The following ERBB4 variants were observed in gnomAD, a reference collection of about 807,000 sequenced individuals.
The protein encoded by ERBB4 is erb-b2 receptor tyrosine kinase 4, also known as receptor tyrosine-protein kinase erbB-4.
In ERBB4, 42 loss-of-function variants were observed where a neutral mutation model predicts 158.0. The ratio of observed to expected loss-of-function variants is 0.27; its 90% CI spans 0.21 to 0.34. The LOEUF is 0.34. Ranked by LOEUF, ERBB4 falls within the 10% of genes least tolerant of loss-of-function variation. ERBB4 has a pLI of 1.00. For synonymous variants in ERBB4, 583 were observed against 558.7 expected, an observed-to-expected ratio of 1.04 and a Z score of -0.61; for missense variants, 1,333 against 1,624.1, an observed-to-expected ratio of 0.82 and a Z score of 3.08.
intron 1 of ERBB4, among the ~76,000 whole-genome samples, chr2:212,224,359 T>C (rs1189005390): frequency 6.6e-6 from 1 of 151,954 alleles, no homozygotes; most frequent in Non-Finnish European, 1.5e-5. Context: ...ATTTGGATCA[T>C]GAGTTTGACA....
intron 3 of ERBB4, among the ~76,000 whole-genome samples, chr2:211,856,136 C>T (rs1430938101): frequency 6.6e-6 from 1 of 151,952 alleles, no homozygotes; most frequent in Non-Finnish European, 1.5e-5. Context: ...TACCTAAGAA[C>T]AATATAATGA....
At chr2:212,513,491 A>G (rs1277476528) in intron 1 of ERBB4, among the ~76,000 whole-genome samples, 1 of 152,204 alleles carries the variant, frequency 6.6e-6, no homozygotes, top group Admixed American at 6.5e-5. Flanking sequence ...CCCATTTTAA[A>G]TATGAGAGTA....
chr2:211,493,437 G>C (rs1430230836), intron 20 of ERBB4, among the ~76,000 whole-genome samples: 1 of 151,854 alleles, frequency 6.6e-6, no homozygotes, highest in Admixed American at 6.6e-5. Context: ...CTACTCACAG[G>C]TTGGGGAAAA....
chr2:212,202,145 C>T (rs2082604802), intron 1 of ERBB4, among the ~76,000 whole-genome samples: 1 of 152,096 alleles, frequency 6.6e-6, no homozygotes, highest in African/African-American at 2.4e-5. Context: ...ATACATCATT[C>T]TCCCTCCCTT....
intron 1 of ERBB4, among the ~76,000 whole-genome samples, chr2:212,377,265 TATA>T (rs1351891736): frequency 6.7e-6 from 1 of 148,458 alleles, no homozygotes; most frequent in Non-Finnish European, 1.5e-5. Context: ...TACAAAAATA[TATA>T]ATAAATATAC....
intron 1 of ERBB4, among the ~76,000 whole-genome samples, chr2:212,260,811 T>G (rs1159885860): frequency 1.3e-5 from 2 of 150,944 alleles, no homozygotes; most frequent in Admixed American, 1.3e-4. Context: ...AGACTCTGTC[T>G]CAAAAAAATA....
chr2:212,486,275 C>T (rs1298041562), intron 1 of ERBB4, among the ~76,000 whole-genome samples: 1 of 151,618 alleles, frequency 6.6e-6, no homozygotes, highest in Non-Finnish European at 1.5e-5. Context: ...TTACAAAAAA[C>T]ATAAAACACA....
intron 1 of ERBB4, among the ~76,000 whole-genome samples, chr2:212,351,547 C>A (rs746295962): frequency 6.6e-6 from 1 of 152,002 alleles, no homozygotes; most frequent in Non-Finnish European, 1.5e-5. Context: ...TGATCATTCC[C>A]CACAAGTTTT....
At chr2:212,288,287 C>T (rs1274960301) in intron 1 of ERBB4, among the ~76,000 whole-genome samples, 7 of 152,138 alleles carry the variant, frequency 4.6e-5, no homozygotes, top group South Asian at 2.1e-4. Context: ...GCGAGGCACA[C>T]GGGACAATGG....
chr2:211,615,724 T>C (rs2069360630), intron 19 of ERBB4, among the ~76,000 whole-genome samples: 2 of 152,146 alleles, frequency 1.3e-5, no homozygotes, highest in Non-Finnish European at 2.9e-5. Context: ...TGAATATCAA[T>C]AGAAGTTTCA....
chr2:211,966,027 C>G (rs2081301043), intron 2 of ERBB4, among the ~76,000 whole-genome samples: 1 of 152,060 alleles, frequency 6.6e-6, no homozygotes, highest in South Asian at 2.1e-4. Context: ...GCGTGGGTAA[C>G]TCAGGGAGAC....
At chr2:212,362,825 A>G (rs778031435) in intron 1 of ERBB4, among the ~76,000 whole-genome samples, 2 of 151,312 alleles carry the variant, frequency 1.3e-5, no homozygotes, top group African/African-American at 2.4e-5. Flanking sequence ...ATAAAAAAAT[A>G]TACTTTTTAA....
At chr2:211,976,144 T>C (rs984360107) in intron 2 of ERBB4, among the ~76,000 whole-genome samples, 1 of 152,190 alleles carries the variant, frequency 6.6e-6, no homozygotes, top group South Asian at 2.1e-4. Flanking sequence ...TTACATAATA[T>C]GTTCTTTGCA....
intron 4 of ERBB4, among the ~76,000 whole-genome samples, chr2:211,761,421 T>A (rs868258968): frequency 1.3e-5 from 2 of 152,150 alleles, no homozygotes; most frequent in Admixed American, 6.5e-5. Context: ...TCATATTTGG[T>A]TGTTTAATCA....
chr2:211,515,507 A>T (rs2125625949), intron 20 of ERBB4, among the ~76,000 whole-genome samples: 1 of 152,174 alleles, frequency 6.6e-6, no homozygotes, highest in Middle Eastern at 3.4e-3. Context: ...TAGACTGCAT[A>T]TTAGAAGAGA....
At chr2:211,703,483 A>C (rs962752612) in intron 11 of ERBB4, among the ~76,000 whole-genome samples, 1 of 152,222 alleles carries the variant, frequency 6.6e-6, no homozygotes, top group African/African-American at 2.4e-5. Flanking sequence ...ACAAATTTAA[A>C]AAATTCTTAT....
At chr2:212,514,772 TCCA>T (rs1691730035) in intron 1 of ERBB4, among the ~76,000 whole-genome samples, 1 of 152,188 alleles carries the variant, frequency 6.6e-6, no homozygotes, top group Admixed American at 6.5e-5. Context: ...ACCACTGTAC[TCCA>T]GCCTGGTGAC....
intron 14 of ERBB4, among the ~76,000 whole-genome samples, chr2:211,669,910 T>C (rs1003164234): frequency 6.6e-6 from 1 of 152,178 alleles, no homozygotes; most frequent in Non-Finnish European, 1.5e-5. Flanking sequence ...TAACTTTCTT[T>C]ATATTTTAAA....
At chr2:212,452,111 C>A (rs2092454756) in intron 1 of ERBB4, among the ~76,000 whole-genome samples, 1 of 150,110 alleles carries the variant, frequency 6.7e-6, no homozygotes, top group Non-Finnish European at 1.5e-5. Context: ...ATGAGTAGAG[C>A]AGAAAGTTAT....
Sources: gnomAD v4.1 joint callset for allele counts (sites outside exome capture counted in the v4.1 genomes callset) on GRCh38, gnomAD v4.1.1 for gene constraint, MANE v1.5 for transcripts, NCBI Gene and HGNC (gene_info 2026-07-23, HGNC 2026-07-21) for gene names.